The following SLIT3 variants were observed in gnomAD, a reference collection of about 807,000 sequenced individuals.
The protein encoded by SLIT3 is slit homolog 3 protein.
SLIT3 carries 68 observed loss-of-function variants against 184.0 expected under a neutral mutation model. The observed-to-expected ratio is 0.37, with a 90% CI of 0.30 to 0.45. The LOEUF is 0.45. Among genes scored for constraint, SLIT3 ranks in the 20% least tolerant of loss-of-function variants. SLIT3 has a pLI of 1.00. For synonymous variants in SLIT3, 831 were observed against 828.6 expected, an observed-to-expected ratio of 1.00 and a Z score of -0.05; for missense variants, 1,707 against 2,026.0, an observed-to-expected ratio of 0.84 and a Z score of 3.02.
chr5:168,965,845 A>G (rs576864720), intron 4 of SLIT3, among the ~76,000 whole-genome samples: 1 of 152,248 alleles, frequency 6.6e-6, no homozygotes, highest in South Asian at 2.1e-4. Context: ...CCAATTGTGA[A>G]CTCATGCCAG....
intron 5 of SLIT3, among the ~76,000 whole-genome samples, chr5:168,860,537 G>T (rs1482967167): frequency 5.9e-5 from 9 of 152,016 alleles, no homozygotes; most frequent in African/African-American, 2.2e-4. Context: ...GGAGGGAAGG[G>T]TTCTTGGCAG....
intron 4 of SLIT3, among the ~76,000 whole-genome samples, chr5:169,038,591 G>A (rs1024943720): frequency 1.3e-5 from 2 of 152,192 alleles, no homozygotes; most frequent in Non-Finnish European, 2.9e-5. Flanking sequence ...TGCTTCTCCT[G>A]TGCTCCATGC....
At chr5:168,910,264 T>C (rs1761210080) in intron 4 of SLIT3, among the ~76,000 whole-genome samples, 1 of 152,242 alleles carries the variant, frequency 6.6e-6, no homozygotes, top group Non-Finnish European at 1.5e-5. Context: ...CATAGAGCAA[T>C]CATCTTTAAG....
At chr5:168,673,423 CAT>C in intron 32 of SLIT3, 92 bp from the exon 33 acceptor site, 1 of 1,186,364 alleles carries the variant, frequency 8.4e-7, no homozygotes, top group Non-Finnish European at 1.2e-6. Context: ...GCATTGCTTA[CAT>C]TTTGTTTTAC....
intron 4 of SLIT3, among the ~76,000 whole-genome samples, chr5:169,157,217 G>A (rs572974838): frequency 3.0e-4 from 46 of 152,092 alleles, no homozygotes; most frequent in Non-Finnish European, 5.6e-4. Flanking sequence ...GGTCTTCCAC[G>A]CCCACTTGGC....
chr5:169,084,474 T>G (rs975041129), intron 4 of SLIT3, among the ~76,000 whole-genome samples: 33 of 148,284 alleles, frequency 2.2e-4, no homozygotes, highest in African/African-American at 6.2e-4. Flanking sequence ...TTTTTTTTTT[T>G]TTTTGTTTCT....
At chr5:169,047,941 G>T (rs1757683645) in intron 4 of SLIT3, among the ~76,000 whole-genome samples, 1 of 151,702 alleles carries the variant, frequency 6.6e-6, no homozygotes, top group African/African-American at 2.4e-5. Context: ...ACTTAGCATG[G>T]TGCCACAAGC....
chr5:169,196,462 G>C (rs568725111), intron 3 of SLIT3, among the ~76,000 whole-genome samples: 1 of 152,178 alleles, frequency 6.6e-6, no homozygotes, highest in African/African-American at 2.4e-5. Context: ...TGCAATAAGA[G>C]CATGACAACA....
At chr5:168,788,383 A>G (rs1756236940) in intron 11 of SLIT3, among the ~76,000 whole-genome samples, 1 of 152,156 alleles carries the variant, frequency 6.6e-6, no homozygotes, top group African/African-American at 2.4e-5. Flanking sequence ...GGATGGGGCC[A>G]GGTGGGGGGA....
chr5:169,101,208 A>G (rs1370234244), intron 4 of SLIT3, among the ~76,000 whole-genome samples: 1 of 152,190 alleles, frequency 6.6e-6, no homozygotes, highest in Non-Finnish European at 1.5e-5. Flanking sequence ...AGGCAATAAC[A>G]CTTTGGTTTT....
At chr5:169,296,961 C>T (rs184023431) in intron 1 of SLIT3, among the ~76,000 whole-genome samples, 134 of 152,290 alleles carry the variant, frequency 8.8e-4, no homozygotes, top group Non-Finnish European at 1.4e-3. Context: ...GAAGTGGCCC[C>T]GTGTGAGAGT....
chr5:168,878,571 T>C (rs1168968952), intron 5 of SLIT3, among the ~76,000 whole-genome samples: 1 of 152,188 alleles, frequency 6.6e-6, no homozygotes, highest in African/African-American at 2.4e-5. Flanking sequence ...ATGGCGAAAG[T>C]CCAAAAGATG....
intron 4 of SLIT3, among the ~76,000 whole-genome samples, chr5:168,995,207 C>G (rs1755472196): frequency 6.6e-6 from 1 of 152,092 alleles, no homozygotes; most frequent in Non-Finnish European, 1.5e-5. Flanking sequence ...GCAAATTGAC[C>G]CAGTGTGAGA....
intron 5 of SLIT3, among the ~76,000 whole-genome samples, chr5:168,856,990 G>T (rs1561970889): frequency 6.6e-6 from 1 of 151,958 alleles, no homozygotes; most frequent in Non-Finnish European, 1.5e-5. Context: ...TGGTGGGGGG[G>T]CCTGGTGAAA....
At chr5:169,184,259 C>CA (rs1763261546) in intron 4 of SLIT3, among the ~76,000 whole-genome samples, 1 of 152,218 alleles carries the variant, frequency 6.6e-6, no homozygotes, top group Admixed American at 6.5e-5. Flanking sequence ...ATCCCTCTCC[C>CA]ATTCAAGATG....
chr5:169,300,073 G>T lies in SLIT3; in HGVS notation c.197+440C>A, dbSNP rs1189419419. ...CTGGCCCATTCTGATCTCCAAGCAGGTCAACAGTCTCGGGCCCTCTCTCCC... is the reference window on the plus strand; with the variant it reads ...CTGGCCCATTCTGATCTCCAAGCAGTTCAACAGTCTCGGGCCCTCTCTCCC... On this transcript the variant is annotated intron_variant, in intron 1 of 35. Coordinates refer to ENST00000519560, the MANE Select transcript of SLIT3 (RefSeq NM_003062.4). The surrounding 1 kb of genome is among the most constrained non-coding windows in gnomAD (Gnocchi z 4.1). Among the ~76,000 whole-genome samples, 1 of 152,218 alleles carries T rather than the reference G, an allele frequency of 6.6e-6. No individual in the cohort carries two copies. The highest frequency in any genetic ancestry group is 6.5e-5 in the Admixed American group (1 of 15,282).
intron 4 of SLIT3, among the ~76,000 whole-genome samples, chr5:168,960,072 C>T (rs1762953453): frequency 6.6e-6 from 1 of 152,158 alleles, no homozygotes; most frequent in Non-Finnish European, 1.5e-5. Flanking sequence ...GCTGGTGGCT[C>T]CAGAGAGTCT....
intron 14 of SLIT3, among the ~76,000 whole-genome samples, chr5:168,770,257 C>G (rs1581062144): frequency 6.6e-6 from 1 of 152,234 alleles, no homozygotes; most frequent in Non-Finnish European, 1.5e-5. Context: ...ACACAGGCAG[C>G]TGGGAAACCA....
At chr5:169,218,657 C>T (rs1362149041) in intron 3 of SLIT3, among the ~76,000 whole-genome samples, 1 of 152,166 alleles carries the variant, frequency 6.6e-6, no homozygotes. Flanking sequence ...TTCATCTAGG[C>T]AAAGGGGGAG....
Sources: gnomAD v4.1 joint callset for allele counts (sites outside exome capture counted in the v4.1 genomes callset) on GRCh38, gnomAD v4.1.1 for gene constraint, Gnocchi (gnomAD v3.1) non-coding constraint, MANE v1.5 for transcripts, NCBI Gene and HGNC (gene_info 2026-07-23, HGNC 2026-07-21) for gene names.